Variants in ICA1 observed in about 807,000 individuals in gnomAD.
ICA1 encodes islet cell autoantigen 1, also known as 69 kDa islet cell autoantigen.
ICA1 carries 40 observed loss-of-function variants against 71.0 expected under a neutral mutation model. The ratio of observed to expected loss-of-function variants is 0.56; its 90% CI spans 0.44 to 0.73. The LOEUF (loss-of-function observed/expected upper bound fraction) is 0.73. Ranked by LOEUF, ICA1 falls within the 30% of genes least tolerant of loss-of-function variation. The pLI, the probability that ICA1 is intolerant of heterozygous loss-of-function variation, is 0.00. For synonymous variants in ICA1, 207 were observed against 209.5 expected (o/e 0.99, Z 0.10); for missense variants, 578 against 576.5 (o/e 1.00, Z -0.03).
At chr7:8,200,942 A>C (rs747885190) in intron 6 of ICA1, among the ~76,000 whole-genome samples, 1 of 152,182 alleles carries the variant, frequency 6.6e-6, no homozygotes, top group Non-Finnish European at 1.5e-5. Context: ...TGTCTGATCT[A>C]CTTTTACCAC....
At chr7:8,214,462 T>C (rs1184603613) in intron 6 of ICA1, among the ~76,000 whole-genome samples, 2 of 152,238 alleles carry the variant, frequency 1.3e-5, no homozygotes, top group Non-Finnish European at 2.9e-5. Context: ...TGCACACAGC[T>C]CAGCCCTGCC....
At chr7:8,168,756 T>C (rs1165873033) in intron 6 of ICA1, among the ~76,000 whole-genome samples, 4 of 152,144 alleles carry the variant, frequency 2.6e-5, no homozygotes, top group Admixed American at 1.3e-4. Context: ...GTCAGTGGAT[T>C]CCCTGTTTTT....
At position 8,223,077 on chromosome 7, in the gene ICA1, G is replaced by C. The variant is rs1259875224; in HGVS notation, c.257-1679C>G. ...AATACTCACGCCATGGTTCTATGTAGCTTTTTAAAATTCCTATAATTATAA... is the reference window on the plus strand; with the variant it reads ...AATACTCACGCCATGGTTCTATGTACCTTTTTAAAATTCCTATAATTATAA... On this transcript the variant is annotated intron_variant, in intron 4 of 13. Transcript: ENST00000402384. This position sits in a 1 kb window ranked among gnomAD's most constrained non-coding sequence, Gnocchi z 4.1. Among the ~76,000 whole-genome samples, 1 of 152,064 alleles carries C rather than the reference G, an allele frequency of 6.6e-6. No homozygotes were observed. Among genetic ancestry groups the C allele is most frequent in the East Asian group, 1.9e-4 (1 of 5,182 alleles).
At chr7:8,135,218 G>C (rs1433420811) in intron 12 of ICA1, among the ~76,000 whole-genome samples, 1 of 151,948 alleles carries the variant, frequency 6.6e-6, no homozygotes, top group Non-Finnish European at 1.5e-5. Flanking sequence ...GTAGAGACAG[G>C]GTTTCATTAT....
intron 1 of ICA1, among the ~76,000 whole-genome samples, chr7:8,250,707 T>C (rs566215388): frequency 6.7e-4 from 102 of 152,328 alleles, no homozygotes; most frequent in African/African-American, 2.4e-3. Context: ...ATTTCATAAA[T>C]TCACAAGTAA....
chr7:8,194,589 T>A (rs1394717055), intron 6 of ICA1, among the ~76,000 whole-genome samples: 1 of 152,204 alleles, frequency 6.6e-6, no homozygotes, highest in Non-Finnish European at 1.5e-5. Context: ...TTGACCAAAT[T>A]ATTTTCTTGA....
chr7:8,195,670 T>G (rs1787216418), intron 6 of ICA1, among the ~76,000 whole-genome samples: 1 of 152,178 alleles, frequency 6.6e-6, no homozygotes, highest in Non-Finnish European at 1.5e-5. Flanking sequence ...CAGTGCTCCT[T>G]GGTGTCCACC....
At chr7:8,202,900 A>C (rs1790227383) in intron 6 of ICA1, among the ~76,000 whole-genome samples, 1 of 152,192 alleles carries the variant, frequency 6.6e-6, no homozygotes, top group Non-Finnish European at 1.5e-5. Flanking sequence ...AGAGGGGAGG[A>C]TTCCTTTGTG....
intron 12 of ICA1, among the ~76,000 whole-genome samples, chr7:8,131,708 C>A (rs1791508586): frequency 6.6e-6 from 1 of 152,192 alleles, no homozygotes; most frequent in Non-Finnish European, 1.5e-5. Context: ...TAAGAAAAAT[C>A]TAACTACAAG....
At chr7:8,251,996 T>C (rs140823856) in intron 1 of ICA1, among the ~76,000 whole-genome samples, 40 of 152,186 alleles carry the variant, frequency 2.6e-4, no homozygotes, top group African/African-American at 7.9e-4. Flanking sequence ...AGGTAGGTAT[T>C]TGCAAACCAC....
At chr7:8,165,155 T>C (rs1284321026) in intron 6 of ICA1, among the ~76,000 whole-genome samples, 1 of 152,234 alleles carries the variant, frequency 6.6e-6, no homozygotes, top group East Asian at 1.9e-4. Context: ...GATCTTTTCA[T>C]CCGAGGCTGA....
At chr7:8,206,575 C>A (rs764683165) in intron 6 of ICA1, among the ~76,000 whole-genome samples, 3 of 152,064 alleles carry the variant, frequency 2.0e-5, no homozygotes, top group Non-Finnish European at 2.9e-5. Flanking sequence ...AACCCGTGCA[C>A]ATGGCACAAC....
chr7:8,188,792 G>A (rs1232990752), intron 6 of ICA1, among the ~76,000 whole-genome samples: 1 of 152,146 alleles, frequency 6.6e-6, no homozygotes, highest in Admixed American at 6.5e-5. Context: ...CCCTAGGGCA[G>A]AGAAGAAGCA....
intron 6 of ICA1, among the ~76,000 whole-genome samples, chr7:8,175,444 G>A (rs1780288638): frequency 6.6e-6 from 1 of 152,134 alleles, no homozygotes; most frequent in South Asian, 2.1e-4. Flanking sequence ...CTACATCTCT[G>A]CTGAATTTAT....
chr7:8,146,732 T>TGG (rs1331818471), intron 8 of ICA1, among the ~76,000 whole-genome samples: 1 of 36,168 alleles, frequency 2.8e-5, no homozygotes, highest in African/African-American at 1.5e-4. Context: ...TGTGCGTGTG[T>TGG]GTGCGTGTGC....
At chr7:8,228,761 A>G in intron 3 of ICA1, 88 bp from the exon 4 acceptor site, 1 of 840,008 alleles carries the variant, frequency 1.2e-6, no homozygotes, top group Non-Finnish European at 1.8e-6. Context: ...AGAGTGTTCA[A>G]TTTGCCAAAA....
At chr7:8,163,993 G>A (rs906064787) in intron 6 of ICA1, among the ~76,000 whole-genome samples, 4 of 152,100 alleles carry the variant, frequency 2.6e-5, no homozygotes, top group Admixed American at 6.6e-5. Context: ...ATGGACTGAA[G>A]GAGAGAGTTG....
At chr7:8,115,150 A>T (rs75332570) in intron 13 of ICA1, among the ~76,000 whole-genome samples, 9,201 of 152,302 alleles carry the variant, frequency 0.06, 391 homozygotes, top group Non-Finnish European at 0.086. Context: ...TTGTAAAAAA[A>T]GTCTTTTGTA....
At chr7:8,137,689 T>C (rs944355732) in intron 12 of ICA1, among the ~76,000 whole-genome samples, 6 of 152,246 alleles carry the variant, frequency 3.9e-5, no homozygotes, top group African/African-American at 1.4e-4. Flanking sequence ...TTCATGGGCA[T>C]TCACACAGTA....
Sources: allele counts gnomAD v4.1 joint callset (sites outside exome capture counted in the v4.1 genomes callset), GRCh38; gene constraint gnomAD v4.1.1; non-coding constraint Gnocchi (gnomAD v3.1); transcripts MANE v1.5; gene names NCBI Gene and HGNC (gene_info 2026-07-23, HGNC 2026-07-21).